The following ATG7 variants were observed in gnomAD, a reference collection of about 807,000 sequenced individuals.
The protein encoded by ATG7 is autophagy related 7.
A neutral mutation model predicts 82.4 loss-of-function variants in ATG7; 70 were observed. The ratio of observed to expected loss-of-function variants is 0.85; its 90% CI spans 0.70 to 1.04. The LOEUF (loss-of-function observed/expected upper bound fraction) is 1.04, where lower values mean the gene tolerates loss of function less well. Ranked by LOEUF, ATG7 falls within the 50% of genes least tolerant of loss-of-function variation. ATG7 has a pLI of 0.00. For missense variants in ATG7, 792 were observed against 864.3 expected, an observed-to-expected ratio of 0.92 and a Z score of 1.05; for synonymous variants, 287 against 313.0, an observed-to-expected ratio of 0.92 and a Z score of 0.88.
intron 14 of ATG7, 185 bp downstream of exon 14, chr3:11,348,220 C>T: frequency 1.4e-6 from 1 of 735,782 alleles, no homozygotes; most frequent in Non-Finnish European, 2.1e-6. Context: ...CCAGGTCAGG[C>T]ATGGTGGCTC....
chr3:11,512,728 T>C (rs2092118396), intron 20 of ATG7, among the ~76,000 whole-genome samples: 1 of 152,186 alleles, frequency 6.6e-6, no homozygotes, highest in Admixed American at 6.5e-5. Context: ...GCAAGATTTA[T>C]TGCAAAGAGC....
intron 3 of ATG7, among the ~76,000 whole-genome samples, chr3:11,284,966 C>A (rs796415452): frequency 5.3e-5 from 8 of 151,736 alleles, no homozygotes; most frequent in Non-Finnish European, 7.4e-5. Flanking sequence ...CCTGCCTCAG[C>A]CTCCCAAGTA....
At chr3:11,416,840 C>A (rs2081409751) in intron 19 of ATG7, among the ~76,000 whole-genome samples, 1 of 152,096 alleles carries the variant, frequency 6.6e-6, no homozygotes, top group Non-Finnish European at 1.5e-5. Context: ...TTCAGTGATA[C>A]AGATTTCTGT....
At chr3:11,418,750 C>T (rs2081646806) in intron 19 of ATG7, among the ~76,000 whole-genome samples, 1 of 152,184 alleles carries the variant, frequency 6.6e-6, no homozygotes, top group Non-Finnish European at 1.5e-5. Flanking sequence ...TCAAGAACTA[C>T]CTGAAACTGG....
intron 6 of ATG7, 138 bp from the exon 7 acceptor site, chr3:11,308,846 C>A: frequency 1.3e-6 from 1 of 769,382 alleles, no homozygotes; most frequent in Non-Finnish European, 2.3e-6. Context: ...GGTAACAACC[C>A]ACTTCATTGT....
chr3:11,572,094 T>C, the ATG7 span, among the ~76,000 whole-genome samples: 1 of 151,966 alleles, frequency 6.6e-6, no homozygotes, highest in Non-Finnish European at 1.5e-5. Flanking sequence ...AGTGACAGAG[T>C]GAGACCCTGT....
intron 19 of ATG7, among the ~76,000 whole-genome samples, chr3:11,392,238 G>A (rs539195757): frequency 6.6e-6 from 1 of 151,988 alleles, no homozygotes; most frequent in Non-Finnish European, 1.5e-5. Flanking sequence ...CTCCCATTTT[G>A]GTTAATTCTC....
At chr3:11,362,378 C>T (rs1462010262) in intron 16 of ATG7, among the ~76,000 whole-genome samples, 1 of 152,214 alleles carries the variant, frequency 6.6e-6, no homozygotes, top group African/African-American at 2.4e-5. Context: ...TTGCTCCCAT[C>T]TCACGGTCAC....
At chr3:11,490,404 A>T (rs1377317178) in intron 20 of ATG7, among the ~76,000 whole-genome samples, 4 of 152,134 alleles carry the variant, frequency 2.6e-5, no homozygotes, top group Non-Finnish European at 2.9e-5. Context: ...CAGCACACTG[A>T]TGAGTCTTGA....
intron 20 of ATG7, among the ~76,000 whole-genome samples, chr3:11,530,216 A>G (rs1425727249): frequency 6.6e-6 from 1 of 152,138 alleles, no homozygotes; most frequent in African/African-American, 2.4e-5. Flanking sequence ...TTGAACAATT[A>G]AAGCATTTGT....
chr3:11,421,715 T>G (rs1450923067), intron 19 of ATG7, among the ~76,000 whole-genome samples: 1 of 152,216 alleles, frequency 6.6e-6, no homozygotes, highest in African/African-American at 2.4e-5. Flanking sequence ...GTTTTTAATT[T>G]GCTTTGATCA....
Position 11,426,854 on chromosome 3 carries a change from T to C in ATG7, c.2007T>C (p.Phe669=). ...GATTTAACTTCCTAGCCAAGGTGTT[T>C]AATTCTTCACATTCCTTCTTAGAAG... ...REGFNFLAKV[F]NSSHSFLEDL... is the part of the protein sequence containing the mutation. The change falls in exon 20 of 21, where the codon TTT becomes TTC. Residue 669 remains phenylalanine, a synonymous_variant. Transcript: ENST00000693202. The C allele has an allele frequency of 6.2e-7, 1 of 1,612,410 alleles. No individual in the cohort carries two copies. The highest frequency in any genetic ancestry group is 1.3e-5 in the African/African-American group (1 of 74,992).
At chr3:11,549,277 G>A (rs6442260) in intron 20 of ATG7, among the ~76,000 whole-genome samples, 63,813 of 151,952 alleles carry the variant, frequency 0.42, 13,898 homozygotes, top group African/African-American at 0.51. Context: ...TTCAAAGTGT[G>A]TAAGGTATCT....
At chr3:11,312,659 T>C (rs1222719500) in intron 7 of ATG7, among the ~76,000 whole-genome samples, 2 of 152,240 alleles carry the variant, frequency 1.3e-5, no homozygotes, top group Non-Finnish European at 2.9e-5. Flanking sequence ...TAGCAAGGGC[T>C]TGATAGTTGT....
At chr3:11,443,573 G>A (rs978145068) in intron 20 of ATG7, among the ~76,000 whole-genome samples, 83 of 152,080 alleles carry the variant, frequency 5.5e-4, no homozygotes, top group African/African-American at 1.9e-3. Context: ...TCTTAGTAGA[G>A]ACAGGGTTTT....
At chr3:11,409,796 G>C (rs1442278996) in intron 19 of ATG7, among the ~76,000 whole-genome samples, 2 of 147,518 alleles carry the variant, frequency 1.4e-5, no homozygotes, top group African/African-American at 5.0e-5. Flanking sequence ...TTTTCCATGT[G>C]GTTGTCCAGT....
intron 20 of ATG7, among the ~76,000 whole-genome samples, chr3:11,448,107 A>G (rs2084753867): frequency 1.3e-5 from 2 of 152,090 alleles, no homozygotes; most frequent in South Asian, 4.1e-4. Flanking sequence ...TGCTTTCTGG[A>G]TTTACCCCCA....
intron 20 of ATG7, among the ~76,000 whole-genome samples, chr3:11,429,948 G>GAAAAA (rs542247546): frequency 7.9e-6 from 1 of 126,178 alleles, no homozygotes; most frequent in Admixed American, 8.3e-5. Flanking sequence ...TCTGTCTCAG[G>GAAAAA]AAAAAAAAAA....
intron 20 of ATG7, among the ~76,000 whole-genome samples, chr3:11,434,596 G>A (rs1576388297): frequency 1.3e-5 from 2 of 152,310 alleles, no homozygotes; most frequent in African/African-American, 4.8e-5. Context: ...ATAAAGCTTG[G>A]CAGTATCTCA....
Sources: gnomAD v4.1 joint callset for allele counts (sites outside exome capture counted in the v4.1 genomes callset) on GRCh38, gnomAD v4.1.1 for gene constraint, MANE v1.5 for transcripts, NCBI Gene and HGNC (gene_info 2026-07-23, HGNC 2026-07-21) for gene names.